Variants in ITGA8 observed in about 807,000 individuals in gnomAD.
ITGA8 encodes the protein integrin subunit alpha 8.
ITGA8 carries 91 observed loss-of-function variants against 142.3 expected under a neutral mutation model. That is an observed-to-expected ratio of 0.64 (90% CI 0.54 to 0.76). The LOEUF is 0.76. Among genes scored for constraint, ITGA8 ranks in the 30% least tolerant of loss-of-function variants. The pLI, the probability that ITGA8 is intolerant of heterozygous loss-of-function variation, is 0.00. For synonymous variants in ITGA8, 505 were observed against 485.2 expected, an observed-to-expected ratio of 1.04 and a Z score of -0.54; for missense variants, 1,406 against 1,327.7, an observed-to-expected ratio of 1.06 and a Z score of -0.92.
chr10:15,581,381 C>T (rs1310863616), intron 23 of ITGA8, among the ~76,000 whole-genome samples: 1 of 152,196 alleles, frequency 6.6e-6, no homozygotes, highest in Non-Finnish European at 1.5e-5. Context: ...GATGGAAACC[C>T]TGTGTTTGGT....
In ITGA8 at chr10:15,514,574, T is replaced by A. The variant is rs1355488381; in HGVS notation, c.*2584A>T. ...ACTGCCACCACGCCCAGCTAATTTT[T>A]GTATTTTTAGTAGAGATGGGGTTTT... On this transcript the variant is annotated 3_prime_UTR_variant, in exon 30 of 30. Transcript: ENST00000378076. 2 of 152,136 alleles carry A rather than the reference T, an allele frequency of 1.3e-5. No individual in the cohort carries two copies. Among genetic ancestry groups the A allele is most frequent in the Non-Finnish European group, 2.9e-5 (2 of 68,086 alleles). The allele number at this position is 152,136 out of a possible 1,614,324, so 9.4% of individuals were successfully genotyped here. A position where few individuals can be genotyped will look rare whatever the true frequency, so the allele number is the denominator to read the frequency against.
Position 15,515,743 on chromosome 10 carries a change from C to G in ITGA8, c.*1415G>C, listed in dbSNP as rs1832953205. ...AAGGATACAAAATTGTGCAGACTAC[C>G]TATAAATTTGGCTGGTCAATTTTAC... On this transcript the variant is annotated 3_prime_UTR_variant, in exon 30 of 30. Transcript: ENST00000378076. 1 of 152,034 alleles carries G rather than the reference C, an allele frequency of 6.6e-6. No individual in the cohort carries two copies. Among genetic ancestry groups the G allele is most frequent in the Non-Finnish European group, 1.5e-5 (1 of 68,020 alleles). The allele number at this position is 152,034 out of a possible 1,614,324, so 9.4% of individuals were successfully genotyped here. A position where few individuals can be genotyped will look rare whatever the true frequency, so the allele number is the denominator to read the frequency against.
In ITGA8 at chr10:15,591,174, A is replaced by G. The variant is rs966718821; in HGVS notation, c.2291+1051T>C. Among the ~76,000 whole-genome samples the G allele has an allele frequency of 3.3e-5, 5 of 152,058 alleles. No individual in the cohort carries two copies. In the East Asian group the frequency reaches 9.6e-4, roughly 29 times the overall value. ...GAAATTAACCATCTTGCACACTAGT[A>G]TTTGAGACTCAAATTGTGGATACTG... is the stretch of plus-strand genomic sequence containing the variant. On this transcript the variant is annotated intron_variant, in intron 22 of 29. Coordinates refer to ENST00000378076, the MANE Select transcript of ITGA8 (RefSeq NM_003638.3).
intron 23 of ITGA8, among the ~76,000 whole-genome samples, chr10:15,585,771 C>T (rs555241890): frequency 8.7e-4 from 133 of 152,198 alleles, no homozygotes; most frequent in South Asian, 2.3e-3. Flanking sequence ...CCTTTTCCCC[C>T]GTCTCTCAGT....
At chr10:15,644,352 C>G in intron 12 of ITGA8, 131 bp from the exon 13 acceptor site, 3 of 723,802 alleles carry the variant, frequency 4.1e-6, no homozygotes, top group Non-Finnish European at 6.4e-6. Flanking sequence ...ACCGCAGCCC[C>G]ACACTCCCGG....
At chr10:15,585,482 G>A (rs1393900972) in intron 23 of ITGA8, among the ~76,000 whole-genome samples, 1 of 152,230 alleles carries the variant, frequency 6.6e-6, no homozygotes, top group East Asian at 1.9e-4. Context: ...ACCCATGGCA[G>A]CACTGGCTCT....
At chr10:15,531,644 A>C (rs1833296817) in intron 27 of ITGA8, among the ~76,000 whole-genome samples, 1 of 152,132 alleles carries the variant, frequency 6.6e-6, no homozygotes, top group South Asian at 2.1e-4. Flanking sequence ...GTAAGTTATA[A>C]AGAAATGTAT....
At chr10:15,554,879 G>A (rs1411999929) in intron 26 of ITGA8, among the ~76,000 whole-genome samples, 1 of 151,860 alleles carries the variant, frequency 6.6e-6, no homozygotes, top group Non-Finnish European at 1.5e-5. Flanking sequence ...AACCTTTTTT[G>A]CAAGGCAGAG....
intron 5 of ITGA8, among the ~76,000 whole-genome samples, 190 bp from the exon 6 acceptor site, chr10:15,677,827 T>C (rs1308206907): frequency 6.6e-6 from 1 of 152,226 alleles, no homozygotes; most frequent in African/African-American, 2.4e-5. Context: ...TTATTTAGTG[T>C]GTTATCATAT....
chr10:15,575,126 C>T (rs1476639202), intron 24 of ITGA8, among the ~76,000 whole-genome samples: 1 of 152,124 alleles, frequency 6.6e-6, no homozygotes, highest in African/African-American at 2.4e-5. Flanking sequence ...AAAATGCTAT[C>T]TACTGTAGTT....
chr10:15,652,058 T>C (rs1182611692), intron 11 of ITGA8, among the ~76,000 whole-genome samples: 1 of 152,226 alleles, frequency 6.6e-6, no homozygotes, highest in African/African-American at 2.4e-5. Flanking sequence ...ATAGTATGCA[T>C]AGCAATTTTT....
At position 15,719,756 on chromosome 10, in the gene ITGA8, T is replaced by A. The variant is rs1211013342; in HGVS notation, c.16A>T (p.Ser6Cys). 7.4e-7 allele frequency: 1 copy of A among 1,355,396 alleles called. No individual in the cohort carries two copies. The highest frequency in any genetic ancestry group is 9.4e-7 in the Non-Finnish European group (1 of 1,062,544). The allele number at this position is 1,355,396 out of a possible 1,614,324, so 84.0% of individuals were successfully genotyped here. The stretch of plus-strand genomic sequence containing the variant: ...GCCTGGCTTCCCCGGGGACCGCGGC[T>A]GGCCCCGGGCGACATCTCCCTCCGC... MSPGASRGPRGSQAPL... is the reference protein window; with the variant it reads MSPGACRGPRGSQAPL... The change falls in exon 1 of 30, where the codon AGC becomes TGC. Residue 6 changes from serine to cysteine, a missense_variant. By Grantham distance (112) the Ser-to-Cys change is moderately radical. Transcript: ENST00000378076.
rs572085270 is a variant in ITGA8, at chr10:15,671,738, A to G, written c.803-91T>C. On this transcript the variant is annotated intron_variant, in intron 7 of 29. Coordinates refer to ENST00000378076, the MANE Select transcript of ITGA8 (RefSeq NM_003638.3). ...AAAAAGGTGAAAGGGCTACCATGGT[A>G]CTGCTTTATTTAGAAACCTCTACAA... The G allele has an allele frequency of 1.0e-4, 96 of 931,786 alleles. 1 individual carries two copies. The South Asian group carries it at 1.3e-3, about 13-fold the overall frequency. The allele number at this position is 931,786 out of a possible 1,614,324, so 57.7% of individuals were successfully genotyped here. A position where few individuals can be genotyped will look rare whatever the true frequency, so the allele number is the denominator to read the frequency against.
intron 26 of ITGA8, among the ~76,000 whole-genome samples, chr10:15,549,173 A>G (rs566620824): frequency 8.3e-6 from 1 of 120,368 alleles, no homozygotes; most frequent in Non-Finnish European, 1.7e-5. Flanking sequence ...ATCAAATCAG[A>G]TTTTCTTTCT....
intron 20 of ITGA8, among the ~76,000 whole-genome samples, chr10:15,599,887 C>T (rs1833071433): frequency 6.6e-6 from 1 of 152,162 alleles, no homozygotes; most frequent in Admixed American, 6.5e-5. Flanking sequence ...CGCCATTGCA[C>T]TCTGGCCTGG....
At chr10:15,682,694 A>C (rs1834759603) in intron 4 of ITGA8, among the ~76,000 whole-genome samples, 2 of 152,122 alleles carry the variant, frequency 1.3e-5, no homozygotes, top group South Asian at 2.1e-4. Flanking sequence ...CTCTCTACAA[A>C]AAATACAAAA....
chr10:15,548,659 A>C, intron 26 of ITGA8, 91 bp from the exon 27 acceptor site: 1 of 727,200 alleles, frequency 1.4e-6, no homozygotes, highest in Non-Finnish European at 2.3e-6. Flanking sequence ...ATTTCCTCAA[A>C]AGTCATCACC....
At chr10:15,693,927 G>GT (rs1834978843) in intron 2 of ITGA8, among the ~76,000 whole-genome samples, 1 of 151,666 alleles carries the variant, frequency 6.6e-6, no homozygotes, top group Non-Finnish European at 1.5e-5. Flanking sequence ...TGAAGACAGC[G>GT]TAAGTCTGTG....
intron 13 of ITGA8, among the ~76,000 whole-genome samples, chr10:15,621,942 G>C (rs1833498525): frequency 6.6e-6 from 1 of 152,114 alleles, no homozygotes; most frequent in African/African-American, 2.4e-5. Flanking sequence ...CAGATCCCCT[G>C]AGGTCAGGAG....
Sources: gnomAD v4.1 joint callset for allele counts (sites outside exome capture counted in the v4.1 genomes callset) on GRCh38, gnomAD v4.1.1 for gene constraint, MANE v1.5 for transcripts, NCBI Gene and HGNC (gene_info 2026-07-23, HGNC 2026-07-21) for gene names.